The following CTNND2 variants were observed in gnomAD, a reference collection of about 807,000 sequenced individuals.
The protein encoded by CTNND2 is catenin delta 2.
CTNND2 carries 22 observed loss-of-function variants against 144.4 expected under a neutral mutation model. The ratio of observed to expected loss-of-function variants is 0.15; its 90% CI spans 0.11 to 0.22. CTNND2 has a LOEUF of 0.22. CTNND2 is among the 10% of genes least tolerant of loss of function. The pLI, the probability that CTNND2 is intolerant of heterozygous loss-of-function variation, is 1.00. For synonymous variants in CTNND2, 751 were observed against 695.6 expected, an observed-to-expected ratio of 1.08 and a Z score of -1.25; for missense variants, 1,353 against 1,618.8, an observed-to-expected ratio of 0.84 and a Z score of 2.82.
At chr5:11,400,931 A>C (rs533298083) in intron 5 of CTNND2, among the ~76,000 whole-genome samples, 4 of 152,344 alleles carry the variant, frequency 2.6e-5, no homozygotes, top group Admixed American at 2.0e-4. Context: ...CTGTTTCTTT[A>C]AGTCATATAT....
intron 3 of CTNND2, among the ~76,000 whole-genome samples, chr5:11,430,540 A>G (rs773271703): frequency 2.0e-5 from 3 of 152,146 alleles, no homozygotes; most frequent in Non-Finnish European, 2.9e-5. Flanking sequence ...TGAAATTTAG[A>G]ATTTTAATTA....
chr5:11,009,267 G>A (rs760387928), intron 18 of CTNND2, among the ~76,000 whole-genome samples: 2 of 152,156 alleles, frequency 1.3e-5, no homozygotes, highest in Non-Finnish European at 2.9e-5. Flanking sequence ...ATCTCCCATG[G>A]GCAGAGTGTA....
chr5:11,178,579 G>T (rs143672036), intron 11 of CTNND2, among the ~76,000 whole-genome samples: 1 of 152,142 alleles, frequency 6.6e-6, no homozygotes, highest in Non-Finnish European at 1.5e-5. Context: ...TTAACAATGC[G>T]TCATAATGGA....
intron 3 of CTNND2, among the ~76,000 whole-genome samples, chr5:11,447,388 G>C (rs1415162695): frequency 2.0e-5 from 3 of 152,014 alleles, no homozygotes; most frequent in Non-Finnish European, 4.4e-5. Flanking sequence ...ACCTTATCTG[G>C]AGGGAGTGTA....
rs114307958 is a variant in CTNND2 at position 11,480,989 on chromosome 5, A to C, written c.288-68920T>G. 5.6e-3 allele frequency among the ~76,000 whole-genome samples: 852 copies of C among 152,290 alleles called. 13 individuals are homozygous for C. The highest frequency in any genetic ancestry group is 0.019 in the African/African-American group (808 of 41,554). ...TATACACTCATCGAAGCACATGACG[A>C]TATTTTGAATTAACTGGAAAAAGTT... On this transcript the variant is annotated intron_variant, in intron 3 of 21. Coordinates refer to ENST00000304623, the MANE Select transcript of CTNND2 (RefSeq NM_001332.4).
chr5:11,717,231 A>C (rs905108202), intron 2 of CTNND2, among the ~76,000 whole-genome samples: 1 of 151,982 alleles, frequency 6.6e-6, no homozygotes, highest in African/African-American at 2.4e-5. Flanking sequence ...AAAGACAGAA[A>C]ATGAGTTTCA....
intron 14 of CTNND2, among the ~76,000 whole-genome samples, chr5:11,102,962 T>C (rs1752043130): frequency 1.3e-5 from 2 of 149,100 alleles, no homozygotes; most frequent in African/African-American, 4.9e-5. Flanking sequence ...TTAAATTCTA[T>C]TTAAAAGATT....
At chr5:11,868,283 T>C (rs1795870876) in intron 1 of CTNND2, among the ~76,000 whole-genome samples, 1 of 152,058 alleles carries the variant, frequency 6.6e-6, no homozygotes, top group Non-Finnish European at 1.5e-5. Context: ...GGGTGGTGAT[T>C]GGGGTGTGAA....
At chr5:11,191,247 G>A (rs1736211789) in intron 11 of CTNND2, among the ~76,000 whole-genome samples, 1 of 152,160 alleles carries the variant, frequency 6.6e-6, no homozygotes, top group Non-Finnish European at 1.5e-5. Context: ...CGTAGGGATA[G>A]GGGAGCAAAT....
intron 1 of CTNND2, among the ~76,000 whole-genome samples, chr5:11,848,160 A>C (rs985561126): frequency 6.6e-6 from 1 of 152,022 alleles, no homozygotes; most frequent in African/African-American, 2.4e-5. Context: ...AACAATATTA[A>C]AATATTTACC....
Position 11,518,268 on chromosome 5 carries a change from A to G in CTNND2, c.287+46676T>C, listed in dbSNP as rs571762759. Among the ~76,000 whole-genome samples, 16 of 145,352 alleles carry G rather than the reference A, an allele frequency of 1.1e-4. No individual in the cohort carries two copies. In the South Asian group the frequency reaches 3.6e-3, roughly 33 times the overall value. Reference sequence around the variant, plus strand: ...ACTTAAAACATTTAAAGAGTAAAAAAAATAAATAAATAAAAGTAAAAAGCT... The same window carrying G: ...ACTTAAAACATTTAAAGAGTAAAAAGAATAAATAAATAAAAGTAAAAAGCT... On this transcript the variant is annotated intron_variant, in intron 3 of 21. Transcript: ENST00000304623.
chr5:11,196,861 G>A (rs946996387), intron 11 of CTNND2, among the ~76,000 whole-genome samples: 3 of 152,216 alleles, frequency 2.0e-5, no homozygotes, highest in Non-Finnish European at 4.4e-5. Context: ...CCAAGGCTTG[G>A]TCAACAGAAT....
At chr5:11,408,106 G>C (rs919145573) in intron 5 of CTNND2, among the ~76,000 whole-genome samples, 9 of 152,084 alleles carry the variant, frequency 5.9e-5, no homozygotes, top group African/African-American at 2.2e-4. Flanking sequence ...TCTAAGGGTG[G>C]TAAGGGCATC....
intron 2 of CTNND2, among the ~76,000 whole-genome samples, chr5:11,660,375 T>G (rs1354898137): frequency 6.6e-6 from 1 of 152,122 alleles, no homozygotes; most frequent in African/African-American, 2.4e-5. Context: ...AAGAGAACAA[T>G]CACCGGACAG....
chr5:11,106,639 C>G (rs929715084), intron 14 of CTNND2, among the ~76,000 whole-genome samples: 1 of 152,208 alleles, frequency 6.6e-6, no homozygotes, highest in Non-Finnish European at 1.5e-5. Flanking sequence ...GACAATGCTA[C>G]ACGATTTCAC....
chr5:11,500,528 A>G (rs2150008186), intron 3 of CTNND2, among the ~76,000 whole-genome samples: 1 of 152,326 alleles, frequency 6.6e-6, no homozygotes, highest in South Asian at 2.1e-4. Context: ...ATATCCAAAG[A>G]CTGATAATAA....
chr5:11,894,843 C>T (rs1171644555), intron 1 of CTNND2, among the ~76,000 whole-genome samples: 1 of 152,182 alleles, frequency 6.6e-6, no homozygotes, highest in African/African-American at 2.4e-5. Context: ...CCAAAACCAA[C>T]CCAAAGCAAG....
chr5:11,440,636 A>G (rs745753212), intron 3 of CTNND2, among the ~76,000 whole-genome samples: 12 of 152,196 alleles, frequency 7.9e-5, no homozygotes, highest in Non-Finnish European at 1.6e-4. Context: ...TCCTACTACT[A>G]TTTGAAAATT....
At chr5:11,055,173 G>A (rs1746223900) in intron 16 of CTNND2, among the ~76,000 whole-genome samples, 1 of 152,178 alleles carries the variant, frequency 6.6e-6, no homozygotes, top group African/African-American at 2.4e-5. Context: ...GGTTAAGGAC[G>A]TAGGTACTGA....
Sources: allele counts gnomAD v4.1 joint callset (sites outside exome capture counted in the v4.1 genomes callset), GRCh38; gene constraint gnomAD v4.1.1; transcripts MANE v1.5; gene names NCBI Gene and HGNC (gene_info 2026-07-23, HGNC 2026-07-21).